The following PCDHGB1 variants were observed in gnomAD, a reference collection of about 807,000 sequenced individuals.
PCDHGB1 encodes the protein protocadherin gamma-B1.
Under a neutral mutation model 56.6 loss-of-function variants are expected in PCDHGB1, and 34 were observed. That is an observed-to-expected ratio of 0.60 (90% CI 0.46 to 0.80). The LOEUF (loss-of-function observed/expected upper bound fraction) is 0.80. Among genes scored for constraint, PCDHGB1 ranks in the 30% least tolerant of loss-of-function variants. The probability of loss-of-function intolerance (pLI) is 0.00; values close to 1 mark genes in which losing one functional copy is unlikely to be tolerated. For synonymous variants in PCDHGB1, 561 were observed against 505.9 expected (o/e 1.11, Z -1.46); for missense variants, 1,278 against 1,204.6 (o/e 1.06, Z -0.90).
intron 1 of PCDHGB1, among the ~76,000 whole-genome samples, chr5:141,462,825 C>T (rs1040054698): frequency 4.6e-5 from 7 of 152,124 alleles, no homozygotes; most frequent in Admixed American, 3.9e-4. Context: ...GGACAGCAGA[C>T]ATTGTAAATG....
chr5:141,413,211 G>A, intron 1 of PCDHGB1: 1 of 1,613,214 alleles, frequency 6.2e-7, no homozygotes, highest in South Asian at 1.1e-5. Context: ...AGGAATCAAA[G>A]GATTGCAGCG....
intron 1 of PCDHGB1, chr5:141,409,182 T>C: frequency 6.2e-7 from 1 of 1,614,006 alleles, no homozygotes; most frequent in East Asian, 2.2e-5. Context: ...GGAGGTGGTC[T>C]CTCTACCCAG....
chr5:141,474,153 A>G (rs1424442765), intron 1 of PCDHGB1, among the ~76,000 whole-genome samples: 3 of 152,254 alleles, frequency 2.0e-5, no homozygotes, highest in Non-Finnish European at 4.4e-5. Flanking sequence ...TATCAAGAAA[A>G]TGACAGGCCT....
rs1348646863 is a variant in PCDHGB1 at position 141,356,379 on chromosome 5, A to T, written c.2409+3710A>T. The T allele has an allele frequency of 9.6e-6, 15 of 1,565,488 alleles. No individual in the cohort carries two copies. In the East Asian group the frequency reaches 3.6e-4, roughly 37 times the overall value. ...CTATTCCAGATAATCTGCCATTCAC[A>T]CTTGAAAAGACCTATGGAAATTATT... On this transcript the variant is annotated intron_variant, in intron 1 of 3. Transcript: ENST00000523390.
chr5:141,475,644 A>C (rs1021491842), intron 1 of PCDHGB1, among the ~76,000 whole-genome samples: 2 of 152,238 alleles, frequency 1.3e-5, no homozygotes, highest in Non-Finnish European at 2.9e-5. Context: ...TCTTGTGATC[A>C]AAGAAAGTGA....
In PCDHGB1 at chr5:141,355,063, C is replaced by T. The variant is rs902736924; in HGVS notation, c.2409+2394C>T. The T allele has an allele frequency of 8.4e-6, 11 of 1,314,420 alleles. No homozygotes were observed. The African/African-American group carries it at 1.6e-4, about 19-fold the overall frequency. The allele number at this position is 1,314,420 out of a possible 1,614,324, so 81.4% of individuals were successfully genotyped here. The stretch of plus-strand genomic sequence containing the variant: ...GCAGCACAAAGCACTGGCTCTGGAG[C>T]TTTATGAAAGCTTCAAGCGGAAGCC... On this transcript the variant is annotated intron_variant, in intron 1 of 3. Transcript: ENST00000523390.
chr5:141,501,902 C>G (rs2154593013), intron 2 of PCDHGB1, among the ~76,000 whole-genome samples: 1 of 152,202 alleles, frequency 6.6e-6, no homozygotes, highest in East Asian at 1.9e-4. Flanking sequence ...GGTTCCAACC[C>G]CACTGTTCCA....
intron 1 of PCDHGB1, chr5:141,388,948 T>C (rs751779962): frequency 7.4e-6 from 12 of 1,613,904 alleles, no homozygotes; most frequent in Admixed American, 1.7e-5. Context: ...AACCTAATTA[T>C]GGAGGACGCC....
chr5:141,397,491 A>G (rs1462298713), intron 1 of PCDHGB1, among the ~76,000 whole-genome samples: 1 of 152,230 alleles, frequency 6.6e-6, no homozygotes, highest in Non-Finnish European at 1.5e-5. Flanking sequence ...AAATGAACAG[A>G]AGAATGATAA....
In PCDHGB1 at chr5:141,477,868, C is replaced by A; in HGVS notation, c.2410-16939C>A. The A allele has an allele frequency of 6.2e-7, 1 of 1,613,750 alleles. No homozygotes were observed. Among genetic ancestry groups the A allele is most frequent in the Non-Finnish European group, 8.5e-7 (1 of 1,179,908 alleles). ...CGGTGGAGATGCTGCCTCGAGGTAC[C>A]TCAGCTGGCCACCTAGTGTCACGGG... On this transcript the variant is annotated intron_variant, in intron 1 of 3. Coordinates refer to ENST00000523390, the MANE Select transcript of PCDHGB1 (RefSeq NM_018922.3). The surrounding 1 kb of genome is among the most constrained non-coding windows in gnomAD (Gnocchi z 4.9).
At chr5:141,394,982 C>T (rs754667421) in intron 1 of PCDHGB1, 16 of 1,613,866 alleles carry the variant, frequency 9.9e-6, no homozygotes, top group Non-Finnish European at 1.3e-5. Context: ...ACAAGTCACG[C>T]CTGCTCCAGG....
Position 141,476,116 on chromosome 5 carries a change from G to C in PCDHGB1, c.2410-18691G>C, listed in dbSNP as rs367958555. On this transcript the variant is annotated intron_variant, in intron 1 of 3. Transcript: ENST00000523390. The surrounding 1 kb of genome is among the most constrained non-coding windows in gnomAD (Gnocchi z 7.6). ...GCTGAGAGGAACTGCTTTTGAGTGA[G>C]ATGGTCCCAGAGGCCTGGAGGAGCG... 504 of 1,593,954 alleles carry C rather than the reference G, an allele frequency of 3.2e-4. No individual in the cohort carries two copies. Among genetic ancestry groups the C allele is most frequent in the Non-Finnish European group, 4.1e-4 (479 of 1,172,292 alleles).
intron 1 of PCDHGB1, chr5:141,390,026 A>G (rs1442754847): frequency 1.2e-6 from 2 of 1,613,826 alleles, no homozygotes; most frequent in Admixed American, 1.7e-5. Flanking sequence ...TGCGCCTGCG[A>G]CGCTCCTCCA....
At position 141,490,359 on chromosome 5, in the gene PCDHGB1, T is replaced by A; in HGVS notation, c.2410-4448T>A. On this transcript the variant is annotated intron_variant, in intron 1 of 3. Coordinates refer to ENST00000523390, the MANE Select transcript of PCDHGB1 (RefSeq NM_018922.3). The surrounding 1 kb of genome is among the most constrained non-coding windows in gnomAD (Gnocchi z 5.4). ...TGGGCACAGTAGTGGGGTTGTTTAA[T>A]GTGCGAGACCGGGACTCAGGTAGAA... 6.2e-7 allele frequency: 1 copy of A among 1,614,212 alleles called. No individual in the cohort carries two copies. The highest frequency in any genetic ancestry group is 8.5e-7 in the Non-Finnish European group (1 of 1,180,036).
chr5:141,385,265 A>G lies in PCDHGB1; in HGVS notation c.2409+32596A>G. Reference sequence around the variant, plus strand: ...AGCCAGGAGAGCTGTGAGAAAAATGATTCTTTGCTAACATCCGTAGATTTT... The same window carrying G: ...AGCCAGGAGAGCTGTGAGAAAAATGGTTCTTTGCTAACATCCGTAGATTTT... On this transcript the variant is annotated intron_variant, in intron 1 of 3. Transcript: ENST00000523390. 1.2e-6 allele frequency: 2 copies of G among 1,613,710 alleles called. No individual in the cohort carries two copies. Among genetic ancestry groups the G allele is most frequent in the Non-Finnish European group, 1.7e-6 (2 of 1,179,576 alleles).
At chr5:141,405,330 T>C (rs750658260) in intron 1 of PCDHGB1, 1 of 1,614,206 alleles carries the variant, frequency 6.2e-7, no homozygotes, top group East Asian at 2.2e-5. Context: ...CCTTTGTGCG[T>C]CTCTGTTGAT....
intron 1 of PCDHGB1, chr5:141,468,330 C>CAAAAAAAAA (rs533390277): frequency 1.3e-5 from 1 of 79,886 alleles, no homozygotes; most frequent in African/African-American, 3.9e-5. Context: ...AACTCCATCT[C>CAAAAAAAAA]AAAAAAAAAA....
Position 141,389,013 on chromosome 5 carries a change from A to G in PCDHGB1, c.2409+36344A>G, listed in dbSNP as rs187666474. 2.5e-6 allele frequency: 4 copies of G among 1,614,010 alleles called. No homozygotes were observed. The African/African-American group carries it at 4.0e-5, about 16-fold the overall frequency. On this transcript the variant is annotated intron_variant, in intron 1 of 3. Coordinates refer to ENST00000523390, the MANE Select transcript of PCDHGB1 (RefSeq NM_018922.3). ...AGTCCGTGACAAGGATTCCAGACAC[A>G]ATGGAGAAGTGACTTGTAAATTGGA...
At chr5:141,366,388 T>A (rs1764530765) in intron 1 of PCDHGB1, 1 of 1,614,034 alleles carries the variant, frequency 6.2e-7, no homozygotes, top group African/African-American at 1.3e-5. Flanking sequence ...ACCCTGAGGA[T>A]CTGGACCTCA....
Sources: allele counts gnomAD v4.1 joint callset (sites outside exome capture counted in the v4.1 genomes callset), GRCh38; gene constraint gnomAD v4.1.1; non-coding constraint Gnocchi (gnomAD v3.1); transcripts MANE v1.5; gene names NCBI Gene and HGNC (gene_info 2026-07-23, HGNC 2026-07-21).